The following RANBP17 variants were observed in gnomAD, a reference collection of about 807,000 sequenced individuals.
RANBP17 encodes the protein ran-binding protein 17.
A neutral mutation model predicts 141.2 loss-of-function variants in RANBP17; 158 were observed. That is an observed-to-expected ratio of 1.12 (90% CI 0.98 to 1.28). The LOEUF is 1.28. Among genes scored for constraint, RANBP17 ranks in the 50% most tolerant of loss-of-function variants. The probability of loss-of-function intolerance (pLI) is 0.00; values close to 1 mark genes in which losing one functional copy is unlikely to be tolerated. For missense variants in RANBP17, 1,438 were observed against 1,290.7 expected, an observed-to-expected ratio of 1.11 and a Z score of -1.75; for synonymous variants, 430 against 450.0, an observed-to-expected ratio of 0.96 and a Z score of 0.56.
At position 171,130,017 on chromosome 5, in the gene RANBP17, C is replaced by T. The variant is rs78022920; in HGVS notation, c.1711-40113C>T. Among the ~76,000 whole-genome samples the T allele has an allele frequency of 3.9e-3, 589 of 152,226 alleles. 2 individuals carry two copies. The highest frequency in any genetic ancestry group is 0.013 in the African/African-American group (544 of 41,552). ...TTTGCAAATCTATTTGGTGTCAGGG[C>T]TCTACTTTTTAAAAGGAAAATCAAT... is the stretch of plus-strand genomic sequence containing the variant. On this transcript the variant is annotated intron_variant, in intron 14 of 27. Transcript: ENST00000523189.
At chr5:171,050,917 C>T (rs1321408976) in intron 14 of RANBP17, among the ~76,000 whole-genome samples, 1 of 152,080 alleles carries the variant, frequency 6.6e-6, no homozygotes, top group East Asian at 1.9e-4. Flanking sequence ...GATGTATTCT[C>T]TAATAGAATT....
At chr5:171,094,713 T>G (rs555583681) in intron 14 of RANBP17, among the ~76,000 whole-genome samples, 2 of 152,348 alleles carry the variant, frequency 1.3e-5, no homozygotes, top group East Asian at 3.9e-4. Flanking sequence ...AAGAGTTTGC[T>G]GTCTGGCTAA....
intron 24 of RANBP17, among the ~76,000 whole-genome samples, chr5:171,253,717 C>G (rs773985702): frequency 1.3e-5 from 2 of 152,138 alleles, no homozygotes; most frequent in Non-Finnish European, 2.9e-5. Flanking sequence ...TAAATTTGAG[C>G]ATATTTTTAT....
At chr5:171,022,882 C>G (rs556956516) in intron 14 of RANBP17, among the ~76,000 whole-genome samples, 1 of 152,300 alleles carries the variant, frequency 6.6e-6, no homozygotes, top group East Asian at 1.9e-4. Context: ...CTGTAGGGCT[C>G]TGGGGTTGGG....
rs770941387 is a variant in RANBP17 at position 171,293,874 on chromosome 5, A to G, written c.2944-9A>G. On this transcript the variant is annotated splice_polypyrimidine_tract_variant and intron_variant, in intron 25 of 27. Coordinates refer to ENST00000523189, the MANE Select transcript of RANBP17 (RefSeq NM_022897.5). Reference sequence around the variant, plus strand: ...GGCATCTCAATCTTTATGTGATTCTATCTTCTAGATGATGTCTGTCCTCAT... The same window carrying G: ...GGCATCTCAATCTTTATGTGATTCTGTCTTCTAGATGATGTCTGTCCTCAT... The G allele has an allele frequency of 6.8e-5, 109 of 1,604,334 alleles. 2 individuals are homozygous for G. The South Asian group carries it at 7.9e-4, about 12-fold the overall frequency.
chr5:170,893,005 T>TA (rs771788791), intron 4 of RANBP17, among the ~76,000 whole-genome samples: 2 of 152,084 alleles, frequency 1.3e-5, no homozygotes, highest in Non-Finnish European at 1.5e-5. Flanking sequence ...GCCTCCAACT[T>TA]ACGATAAATT....
chr5:170,948,960 C>T (rs1247957176), intron 12 of RANBP17, among the ~76,000 whole-genome samples: 1 of 151,944 alleles, frequency 6.6e-6, no homozygotes, highest in African/African-American at 2.4e-5. Flanking sequence ...CAGGAACAGC[C>T]TGGTCAACCT....
chr5:171,015,395 T>C (rs1365111888), intron 14 of RANBP17, among the ~76,000 whole-genome samples: 1 of 152,114 alleles, frequency 6.6e-6, no homozygotes, highest in Admixed American at 6.6e-5. Context: ...TACTAATACC[T>C]TCCTCCACAA....
chr5:170,892,630 A>T, intron 4 of RANBP17, 77 bp downstream of exon 4: 1 of 1,144,024 alleles, frequency 8.7e-7, no homozygotes, highest in African/African-American at 1.6e-5. Flanking sequence ...TCTTAAAGCG[A>T]TATAGTTTGT....
At chr5:171,056,228 G>A (rs544803198) in intron 14 of RANBP17, among the ~76,000 whole-genome samples, 24 of 152,130 alleles carry the variant, frequency 1.6e-4, no homozygotes, top group Non-Finnish European at 2.9e-4. Context: ...CTCTCCATGA[G>A]TCCTGAAAGT....
At chr5:171,073,922 C>T (rs1484030118) in intron 14 of RANBP17, among the ~76,000 whole-genome samples, 1 of 151,416 alleles carries the variant, frequency 6.6e-6, no homozygotes, top group Non-Finnish European at 1.5e-5. Context: ...TCAATCCATA[C>T]TGATATAAAC....
chr5:170,957,107 A>G lies in RANBP17; in HGVS notation c.1574+3405A>G, dbSNP rs368010970. Among the ~76,000 whole-genome samples the G allele has an allele frequency of 2.1e-3, 313 of 150,528 alleles. 1 individual carries two copies. Among genetic ancestry groups the G allele is most frequent in the African/African-American group, 5.9e-3 (241 of 40,698 alleles). ...CACACACACACACACACACACACAC[A>G]CGCGCACACTGCCACTATCTCGTGA... On this transcript the variant is annotated intron_variant, in intron 13 of 27. Transcript: ENST00000523189.
intron 18 of RANBP17, among the ~76,000 whole-genome samples, chr5:171,187,958 C>G (rs1761382769): frequency 6.6e-6 from 1 of 152,090 alleles, no homozygotes; most frequent in South Asian, 2.1e-4. Context: ...TTCATACAAA[C>G]AGAAGAAAAA....
chr5:171,053,345 T>G (rs951851807), intron 14 of RANBP17, among the ~76,000 whole-genome samples: 3 of 152,178 alleles, frequency 2.0e-5, no homozygotes, highest in Non-Finnish European at 4.4e-5. Flanking sequence ...GCTTTTCAAC[T>G]CTTGCTCCCT....
chr5:171,012,444 C>T lies in RANBP17; in HGVS notation c.1710+44067C>T, dbSNP rs556064732. Among the ~76,000 whole-genome samples, 16 of 152,064 alleles carry T rather than the reference C, an allele frequency of 1.1e-4. No individual in the cohort carries two copies. The South Asian group carries it at 1.9e-3, about 18-fold the overall frequency. On this transcript the variant is annotated intron_variant, in intron 14 of 27. Coordinates refer to ENST00000523189, the MANE Select transcript of RANBP17 (RefSeq NM_022897.5). ...GGTTTACATAAGCCCTTGCTGAAAA[C>T]GAAAAATCTGCTGCCTGGAATCTAT...
rs769742239 is a variant in RANBP17 at position 170,955,681 on chromosome 5, T to TATATATATATATATATATACAC, written c.1574+1980_1574+1981insTATATATATATATATATACACA. Among the ~76,000 whole-genome samples the TATATATATATATATATATACAC allele has an allele frequency of 1.9e-3, 74 of 39,084 alleles. 11 individuals are homozygous for TATATATATATATATATATACAC. Among genetic ancestry groups the TATATATATATATATATATACAC allele is most frequent in the African/African-American group, 2.3e-3 (31 of 13,242 alleles). 25.6% of individuals were successfully genotyped at this position (39,084 alleles called of 152,430 possible). ...ATATATATATATATATATATATATA[T>TATATATATATATATATATACAC]ACACTGAATGAACTCTGTAGAGGAA... On this transcript the variant is annotated intron_variant, in intron 13 of 27. Coordinates refer to ENST00000523189, the MANE Select transcript of RANBP17 (RefSeq NM_022897.5).
chr5:170,969,898 G>A (rs1169932046), intron 14 of RANBP17, among the ~76,000 whole-genome samples: 1 of 151,966 alleles, frequency 6.6e-6, no homozygotes, highest in Non-Finnish European at 1.5e-5. Context: ...CCCTATTAAA[G>A]GAAGTTAGTC....
chr5:171,083,656 T>C (rs1785406204), intron 14 of RANBP17, among the ~76,000 whole-genome samples: 1 of 152,196 alleles, frequency 6.6e-6, no homozygotes, highest in Non-Finnish European at 1.5e-5. Flanking sequence ...CCAGCTGATA[T>C]GGTGTGGCTG....
chr5:170,991,537 TAAGA>T (rs1778509810), intron 14 of RANBP17, among the ~76,000 whole-genome samples: 1 of 152,080 alleles, frequency 6.6e-6, no homozygotes, highest in African/African-American at 2.4e-5. Flanking sequence ...ACAATCCAGT[TAAGA>T]AAGGGTTCAT....
Sources: allele counts gnomAD v4.1 joint callset (sites outside exome capture counted in the v4.1 genomes callset), GRCh38; gene constraint gnomAD v4.1.1; transcripts MANE v1.5; gene names NCBI Gene and HGNC (gene_info 2026-07-23, HGNC 2026-07-21).